The following MAP7 variants were observed in gnomAD, a reference collection of about 807,000 sequenced individuals.
The protein encoded by MAP7 is ensconsin.
A neutral mutation model predicts 94.8 loss-of-function variants in MAP7; 52 were observed. That is an observed-to-expected ratio of 0.55 (90% CI 0.44 to 0.69). The LOEUF is 0.69. MAP7 is among the 30% of genes least tolerant of loss of function. The pLI, the probability that MAP7 is intolerant of heterozygous loss-of-function variation, is 0.00. For missense variants in MAP7, 940 were observed against 964.6 expected, an observed-to-expected ratio of 0.97 and a Z score of 0.34; for synonymous variants, 350 against 357.0, an observed-to-expected ratio of 0.98 and a Z score of 0.22.
chr6:136,531,144 T>G (rs901145270), intron 1 of MAP7, among the ~76,000 whole-genome samples: 1 of 145,074 alleles, frequency 6.9e-6, no homozygotes, highest in Admixed American at 6.7e-5. Flanking sequence ...ACTTTATTAA[T>G]GTGCACTACA....
intron 1 of MAP7, among the ~76,000 whole-genome samples, chr6:136,530,359 T>G (rs991909880): frequency 6.6e-6 from 1 of 152,232 alleles, no homozygotes; most frequent in African/African-American, 2.4e-5. Context: ...GTTTCAACAT[T>G]CGAAGAGATG....
chr6:136,371,948 AT>A (rs1774639648), intron 8 of MAP7, among the ~76,000 whole-genome samples: 1 of 152,236 alleles, frequency 6.6e-6, no homozygotes, highest in African/African-American at 2.4e-5. Flanking sequence ...CCTTTTACGA[AT>A]TAGTGATATA....
intron 3 of MAP7, among the ~76,000 whole-genome samples, chr6:136,389,988 C>T (rs973304153): frequency 2.6e-5 from 4 of 152,162 alleles, no homozygotes; most frequent in Non-Finnish European, 5.9e-5. Context: ...AAGTGCCTTA[C>T]AGGTCTATCA....
At chr6:136,501,340 T>C (rs1819769982) in intron 1 of MAP7, among the ~76,000 whole-genome samples, 1 of 152,208 alleles carries the variant, frequency 6.6e-6, no homozygotes, top group Admixed American at 6.5e-5. Context: ...GGAGGTGGCC[T>C]GGAGTCAGAG....
intron 1 of MAP7, chr6:136,526,256 T>C (rs935349303): frequency 2.6e-6 from 3 of 1,136,308 alleles, no homozygotes; most frequent in South Asian, 2.5e-5. Flanking sequence ...CTCCGGCTCA[T>C]GCATGCACGT....
At chr6:136,539,855 C>T (rs763444859) in intron 1 of MAP7, among the ~76,000 whole-genome samples, 53 of 152,230 alleles carry the variant, frequency 3.5e-4, no homozygotes, top group Admixed American at 5.9e-4. Context: ...GGCATGCACC[C>T]GTAGTCTCAG....
At chr6:136,496,812 G>A (rs1305169441) in intron 1 of MAP7, among the ~76,000 whole-genome samples, 1 of 148,654 alleles carries the variant, frequency 6.7e-6, no homozygotes, top group Non-Finnish European at 1.5e-5. Context: ...AAATTAGCTA[G>A]GAGTGGTGGC....
chr6:136,444,223 G>A lies in MAP7; in HGVS notation c.68-22424C>T, dbSNP rs114532297. On this transcript the variant is annotated intron_variant, in intron 1 of 17. Transcript: ENST00000354570. ...AGCCTCCTTCATCAGAAACACCTTG[G>A]GTATTTACTTAAAATGCAGATTCCT... is the stretch of plus-strand genomic sequence containing the variant. 4.9e-3 allele frequency among the ~76,000 whole-genome samples: 749 copies of A among 152,180 alleles called. 7 individuals carry two copies. Among genetic ancestry groups the A allele is most frequent in the African/African-American group, 0.017 (718 of 41,504 alleles).
At chr6:136,361,790 A>C (rs1792875867) in intron 11 of MAP7, among the ~76,000 whole-genome samples, 1 of 152,248 alleles carries the variant, frequency 6.6e-6, no homozygotes, top group Non-Finnish European at 1.5e-5. Flanking sequence ...GGGCATGTAA[A>C]GATCCCACCT....
At chr6:136,360,425 A>C (rs1376775567) in intron 13 of MAP7, among the ~76,000 whole-genome samples, 2 of 152,228 alleles carry the variant, frequency 1.3e-5, no homozygotes, top group African/African-American at 4.8e-5. Flanking sequence ...GATTACAGGC[A>C]TGAGCCACCC....
At chr6:136,495,507 A>G (rs907036154) in intron 1 of MAP7, among the ~76,000 whole-genome samples, 4 of 152,126 alleles carry the variant, frequency 2.6e-5, no homozygotes, top group African/African-American at 7.2e-5. Context: ...CACGTAGAGC[A>G]TATCTAATCC....
At chr6:136,469,689 T>C (rs900569882) in intron 1 of MAP7, among the ~76,000 whole-genome samples, 3 of 152,124 alleles carry the variant, frequency 2.0e-5, no homozygotes, top group African/African-American at 7.2e-5. Context: ...CCTGGCTTGG[T>C]TTCATTTTCA....
At chr6:136,503,609 G>A (rs56907262) in intron 1 of MAP7, among the ~76,000 whole-genome samples, 11,493 of 152,090 alleles carry the variant, frequency 0.076, 937 homozygotes, top group African/African-American at 0.2. Context: ...CTTCCCCTAA[G>A]GGGAAAAAAA....
At chr6:136,452,208 A>AAAACG (rs1441303184) in intron 1 of MAP7, among the ~76,000 whole-genome samples, 13 of 151,806 alleles carry the variant, frequency 8.6e-5, no homozygotes, top group African/African-American at 3.1e-4. Context: ...AAAACAAAAC[A>AAAACG]AAACAAAACA....
chr6:136,481,625 G>A (rs956940431), intron 1 of MAP7, among the ~76,000 whole-genome samples: 1 of 152,226 alleles, frequency 6.6e-6, no homozygotes, highest in Admixed American at 6.5e-5. Context: ...AGTAGTGCAA[G>A]TGGTGGTGGG....
At position 136,503,828 on chromosome 6, in the gene MAP7, G is replaced by A. The variant is rs923904863; in HGVS notation, c.67+46514C>T. Among the ~76,000 whole-genome samples, 18 of 152,324 alleles carry A rather than the reference G, an allele frequency of 1.2e-4. No homozygotes were observed. In the Middle Eastern group the frequency reaches 0.01, roughly 86 times the overall value. On this transcript the variant is annotated intron_variant, in intron 1 of 17. Coordinates refer to ENST00000354570, the MANE Select transcript of MAP7 (RefSeq NM_003980.6). The stretch of plus-strand genomic sequence containing the variant: ...TATGCTGATCAAACTATTTCGGAAG[G>A]CAATTTGGCATGTGAAAATGCACAG...
At chr6:136,428,609 T>C (rs190888070) in intron 1 of MAP7, among the ~76,000 whole-genome samples, 100 of 152,338 alleles carry the variant, frequency 6.6e-4, no homozygotes, top group African/African-American at 2.1e-3. Flanking sequence ...GGAAAGATCA[T>C]GTATATAACA....
intron 2 of MAP7, among the ~76,000 whole-genome samples, chr6:136,417,032 T>C (rs1789704031): frequency 6.6e-6 from 1 of 152,072 alleles, no homozygotes; most frequent in Admixed American, 6.5e-5. Context: ...GGTGACAGGA[T>C]CGCTTGAGGC....
At chr6:136,505,677 C>G (rs1365454248) in intron 1 of MAP7, among the ~76,000 whole-genome samples, 1 of 151,900 alleles carries the variant, frequency 6.6e-6, no homozygotes, top group Non-Finnish European at 1.5e-5. Flanking sequence ...CATATGAGTA[C>G]CAGACTTAAT....
Sources: gnomAD v4.1 joint callset for allele counts (sites outside exome capture counted in the v4.1 genomes callset) on GRCh38, gnomAD v4.1.1 for gene constraint, MANE v1.5 for transcripts, NCBI Gene and HGNC (gene_info 2026-07-23, HGNC 2026-07-21) for gene names.